Variants in TMCC3 observed in about 807,000 individuals in gnomAD.
TMCC3 encodes the protein transmembrane and coiled-coil domain protein 3.
A neutral mutation model predicts 40.2 loss-of-function variants in TMCC3; 28 were observed. The ratio of observed to expected loss-of-function variants is 0.70; its 90% CI spans 0.52 to 0.95. The LOEUF (loss-of-function observed/expected upper bound fraction) is 0.95, where lower values mean the gene tolerates loss of function less well. Among genes scored for constraint, TMCC3 ranks in the 40% least tolerant of loss-of-function variants. The probability of loss-of-function intolerance (pLI) is 0.00; values close to 1 mark genes in which losing one functional copy is unlikely to be tolerated. For missense variants in TMCC3, 554 were observed against 615.2 expected (o/e 0.90, Z 1.05); for synonymous variants, 255 against 248.5 (o/e 1.03, Z -0.25).
chr12:94,582,377 C>G lies in TMCC3; in HGVS notation c.240G>C (p.Glu80Asp). ...SLKQKILKVT[E>D]QIKIEQTSRD... ...GCGATGTTTGCTCAATTTTTATCTG[C>G]TCTGTTACCTTTAGAATTTTTTGCT... Residue 80 changes from glutamate (E) to aspartate (D), a missense_variant, in exon 2 of 4, where the codon GAG (glutamate) becomes GAC (aspartate). Coordinates refer to ENST00000261226, the MANE Select transcript of TMCC3 (RefSeq NM_020698.4). 1 of 1,613,950 alleles carries G rather than the reference C, an allele frequency of 6.2e-7. No homozygotes were observed. Among genetic ancestry groups the G allele is most frequent in the Non-Finnish European group, 8.5e-7 (1 of 1,180,006 alleles).
intron 1 of TMCC3, among the ~76,000 whole-genome samples, chr12:94,641,395 G>T (rs2068990019): frequency 6.6e-6 from 1 of 152,130 alleles, no homozygotes; most frequent in African/African-American, 2.4e-5. Context: ...GAGGTAGGTG[G>T]AAGTGTCTCA....
intron 1 of TMCC3, among the ~76,000 whole-genome samples, chr12:94,634,220 C>T (rs1057009322): frequency 6.6e-6 from 1 of 152,218 alleles, no homozygotes; most frequent in Admixed American, 6.5e-5. Flanking sequence ...GCTGGGATTA[C>T]AGGCATGAAC....
chr12:94,580,304 C>T (rs1254319542), intron 2 of TMCC3, among the ~76,000 whole-genome samples: 1 of 152,134 alleles, frequency 6.6e-6, no homozygotes, highest in East Asian at 1.9e-4. Context: ...AGCCAGCCTA[C>T]AAAACATCTA....
At chr12:94,573,601 C>T (rs1423321464) in intron 3 of TMCC3, among the ~76,000 whole-genome samples, 2 of 152,104 alleles carry the variant, frequency 1.3e-5, no homozygotes, top group African/African-American at 4.8e-5. Context: ...TTTTAAGAGA[C>T]AGGGTCTCAC....
intron 1 of TMCC3, among the ~76,000 whole-genome samples, chr12:94,607,657 C>T (rs1416671955): frequency 2.0e-5 from 3 of 152,186 alleles, no homozygotes; most frequent in South Asian, 2.1e-4. Flanking sequence ...CTTCCCACCT[C>T]AGCCTCCCAA....
intron 3 of TMCC3, among the ~76,000 whole-genome samples, chr12:94,573,182 T>C (rs553870069): frequency 1.3e-5 from 2 of 151,952 alleles, no homozygotes; most frequent in African/African-American, 4.8e-5. Context: ...CAGTTCCTCA[T>C]ACCAGAAGCC....
chr12:94,636,664 C>G (rs369572828), intron 1 of TMCC3, among the ~76,000 whole-genome samples: 52 of 152,192 alleles, frequency 3.4e-4, no homozygotes, highest in Non-Finnish European at 2.1e-4. Flanking sequence ...CAGGTGAACT[C>G]CTTAAAAGAG....
intron 1 of TMCC3, among the ~76,000 whole-genome samples, chr12:94,609,570 T>C (rs1047565051): frequency 1.3e-5 from 2 of 152,228 alleles, no homozygotes; most frequent in African/African-American, 4.8e-5. Context: ...CAGCAGGCAC[T>C]CAACTATCTT....
chr12:94,644,407 C>T (rs1263716015), intron 1 of TMCC3: 1 of 985,248 alleles, frequency 1.0e-6, no homozygotes, highest in East Asian at 1.1e-4. Context: ...AGCAGCAGTC[C>T]TGGAGATGCC....
intron 1 of TMCC3, among the ~76,000 whole-genome samples, chr12:94,641,102 A>G (rs1331249210): frequency 6.6e-6 from 1 of 152,092 alleles, no homozygotes; most frequent in Non-Finnish European, 1.5e-5. Flanking sequence ...CAGGAGGCTG[A>G]GGCAGGAGAA....
intron 1 of TMCC3, among the ~76,000 whole-genome samples, chr12:94,583,387 C>G (rs2068619213): frequency 6.6e-6 from 1 of 151,952 alleles, no homozygotes; most frequent in South Asian, 2.1e-4. Flanking sequence ...ACCTGTAATC[C>G]CAGCTACTCG....
Position 94,570,820 on chromosome 12 carries a change from CA to C in TMCC3, c.*614del, listed in dbSNP as rs1270970712. On this transcript the variant is annotated 3_prime_UTR_variant, in exon 4 of 4. Coordinates refer to ENST00000261226, the MANE Select transcript of TMCC3 (RefSeq NM_020698.4). ...CTATGCCTTCCCATTTAAAGTGTAA[CA>C]AAACCCCTCAGGTAGACTTGTTGGA... 1.3e-5 allele frequency: 2 copies of C among 152,850 alleles called. No homozygotes were observed. Among genetic ancestry groups the C allele is most frequent in the Non-Finnish European group, 2.9e-5 (2 of 68,220 alleles). 9.5% of individuals were successfully genotyped at this position (152,850 alleles called of 1,614,324 possible). A position where few individuals can be genotyped will look rare whatever the true frequency, so the allele number is the denominator to read the frequency against.
chr12:94,576,301 A>G (rs2068564491), intron 3 of TMCC3, among the ~76,000 whole-genome samples: 1 of 152,200 alleles, frequency 6.6e-6, no homozygotes, highest in Non-Finnish European at 1.5e-5. Flanking sequence ...AGAGTGGAAT[A>G]AAAACGTGGC....
chr12:94,597,144 TATATATATATATATGTATATAA>T (rs1434693883), intron 1 of TMCC3, among the ~76,000 whole-genome samples: 21 of 15,464 alleles, frequency 1.4e-3, no homozygotes, highest in South Asian at 4.5e-3. Context: ...TATATATATA[TATATATATATATATGTATATAA>T]ATTAGCCAGG....
chr12:94,636,786 G>A (rs542092735), intron 1 of TMCC3, among the ~76,000 whole-genome samples: 15 of 152,358 alleles, frequency 9.8e-5, no homozygotes, highest in East Asian at 5.8e-4. Flanking sequence ...AACAGCCTCT[G>A]GCGGCTGAGG....
chr12:94,623,606 G>A (rs1028056147), intron 1 of TMCC3, among the ~76,000 whole-genome samples: 2 of 152,198 alleles, frequency 1.3e-5, no homozygotes, highest in Non-Finnish European at 2.9e-5. Flanking sequence ...CATCTTTACC[G>A]GCACAGGGGC....
chr12:94,602,123 C>T (rs2068756788), intron 1 of TMCC3, among the ~76,000 whole-genome samples: 1 of 152,330 alleles, frequency 6.6e-6, no homozygotes, highest in Middle Eastern at 3.4e-3. Flanking sequence ...AAGGAAGGCT[C>T]TAACATTCTG....
At chr12:94,591,842 C>T (rs76461017) in intron 1 of TMCC3, among the ~76,000 whole-genome samples, 3,339 of 152,290 alleles carry the variant, frequency 0.022, 128 homozygotes, top group African/African-American at 0.076. Flanking sequence ...TTGACATGCA[C>T]TTGCAAAATG....
At chr12:94,608,707 T>G (rs929194972) in intron 1 of TMCC3, among the ~76,000 whole-genome samples, 1 of 152,172 alleles carries the variant, frequency 6.6e-6, no homozygotes, top group Non-Finnish European at 1.5e-5. Flanking sequence ...CTGGACCACA[T>G]AGTTGGATCC....
Sources: gnomAD v4.1 joint callset for allele counts (sites outside exome capture counted in the v4.1 genomes callset) on GRCh38, gnomAD v4.1.1 for gene constraint, MANE v1.5 for transcripts, NCBI Gene and HGNC (gene_info 2026-07-23, HGNC 2026-07-21) for gene names.